Variants in PPP1R21 observed in about 807,000 individuals in gnomAD.
The protein encoded by PPP1R21 is protein phosphatase 1 regulatory subunit 21.
Under a neutral mutation model 112.8 loss-of-function variants are expected in PPP1R21, and 85 were observed. The ratio of observed to expected loss-of-function variants is 0.75; its 90% CI spans 0.63 to 0.90. The LOEUF (loss-of-function observed/expected upper bound fraction) is 0.90, where lower values mean the gene tolerates loss of function less well. PPP1R21 is among the 40% of genes least tolerant of loss of function. PPP1R21 has a pLI of 0.00. For missense variants in PPP1R21, 1,199 were observed against 901.5 expected, an observed-to-expected ratio of 1.33 and a Z score of -4.23; for synonymous variants, 381 against 322.3, an observed-to-expected ratio of 1.18 and a Z score of -1.95.
chr2:48,493,715 G>T (rs1282196060), intron 15 of PPP1R21, among the ~76,000 whole-genome samples: 9 of 151,994 alleles, frequency 5.9e-5, no homozygotes, highest in African/African-American at 1.9e-4. Context: ...GGTTGTCCTT[G>T]TACCGTTTAT....
chr2:48,495,225 A>G (rs1451743349), intron 15 of PPP1R21, among the ~76,000 whole-genome samples: 1 of 151,502 alleles, frequency 6.6e-6, no homozygotes, highest in Non-Finnish European at 1.5e-5. Flanking sequence ...TCTTTTTGAG[A>G]CGGAGTCTCG....
intron 2 of PPP1R21, among the ~76,000 whole-genome samples, 172 bp downstream of exon 2, chr2:48,451,248 C>T (rs1418262693): frequency 6.6e-6 from 1 of 152,136 alleles, no homozygotes; most frequent in African/African-American, 2.4e-5. Flanking sequence ...TAGGTAAGAA[C>T]ATGAGGTACT....
chr2:48,442,459 A>T (rs1031547666), intron 1 of PPP1R21, among the ~76,000 whole-genome samples: 20 of 152,214 alleles, frequency 1.3e-4, no homozygotes, highest in Middle Eastern at 6.3e-3. Context: ...AGCCTCCCAA[A>T]GTAATAAAAA....
chr2:48,495,823 C>A, intron 16 of PPP1R21, 52 bp downstream of exon 16: 3 of 1,056,206 alleles, frequency 2.8e-6, no homozygotes, highest in South Asian at 1.3e-5. Context: ...AATGTTAAAT[C>A]CCCCATAGAA....
At chr2:48,489,727 T>A (rs1572877998) in intron 14 of PPP1R21, among the ~76,000 whole-genome samples, 1 of 151,898 alleles carries the variant, frequency 6.6e-6, no homozygotes, top group Non-Finnish European at 1.5e-5. Flanking sequence ...CTGGCCAACA[T>A]GTTGAAACCC....
chr2:48,489,691 C>G (rs544755633), intron 14 of PPP1R21, among the ~76,000 whole-genome samples: 28 of 151,932 alleles, frequency 1.8e-4, no homozygotes, highest in South Asian at 4.2e-4. Context: ...CGGTAGCTCA[C>G]CTGAGGTCAC....
intron 2 of PPP1R21, among the ~76,000 whole-genome samples, chr2:48,451,392 G>C (rs1274641356): frequency 6.6e-6 from 1 of 152,204 alleles, no homozygotes; most frequent in Non-Finnish European, 1.5e-5. Context: ...TGTCATCACA[G>C]ACAGCTTTCT....
chr2:48,497,920 G>A (rs1669924892), intron 16 of PPP1R21, among the ~76,000 whole-genome samples: 1 of 151,588 alleles, frequency 6.6e-6, no homozygotes, highest in Admixed American at 6.6e-5. Flanking sequence ...TAAAGTGCTG[G>A]GATTACAGTC....
At chr2:48,491,495 A>G (rs541437820) in intron 15 of PPP1R21, among the ~76,000 whole-genome samples, 3 of 152,254 alleles carry the variant, frequency 2.0e-5, no homozygotes, top group Admixed American at 2.0e-4. Flanking sequence ...AAAAAAAAGA[A>G]ATATGTGTAT....
At chr2:48,485,307 TA>T (rs200855085) in intron 13 of PPP1R21, among the ~76,000 whole-genome samples, 34,587 of 146,718 alleles carry the variant, frequency 0.24, 4,407 homozygotes, top group East Asian at 0.45. Flanking sequence ...AAATAAAATG[TA>T]AAAAAAAAAA....
intron 12 of PPP1R21, among the ~76,000 whole-genome samples, chr2:48,478,545 C>T (rs1022896631): frequency 1.3e-5 from 2 of 152,140 alleles, no homozygotes; most frequent in African/African-American, 2.4e-5. Context: ...TGATTGATTG[C>T]TCTCATTTTC....
chr2:48,507,749 C>CTTTTTTTTTTTTTTTTTTTTTTT lies in PPP1R21; in HGVS notation c.2085+376_2085+398dup, dbSNP rs34546075. On this transcript the variant is annotated intron_variant, in intron 19 of 21. Transcript: ENST00000294952. ...AAGACTGATTTGAGTGAGGCTCTGCCTTTTTTTTTTTTTTTTTTTTTTTTT... is the reference window on the plus strand; with the variant it reads ...AAGACTGATTTGAGTGAGGCTCTGCCTTTTTTTTTTTTTTTTTTTTTTTTTTTTTTTTTTTTTTTTTTTTTTTT... Among the ~76,000 whole-genome samples the CTTTTTTTTTTTTTTTTTTTTTTT allele has an allele frequency of 9.4e-5, 4 of 42,392 alleles. 1 individual carries two copies. The highest frequency in any genetic ancestry group is 3.1e-4 in the African/African-American group (3 of 9,802). 27.8% of individuals were successfully genotyped at this position (42,392 alleles called of 152,430 possible).
chr2:48,486,440 A>C (rs1245655074), intron 13 of PPP1R21, among the ~76,000 whole-genome samples, 191 bp from the exon 14 acceptor site: 1 of 152,186 alleles, frequency 6.6e-6, no homozygotes, highest in Non-Finnish European at 1.5e-5. Context: ...AGAGATCCTT[A>C]CTTCTCTCTG....
At chr2:48,464,832 T>C (rs761717278) in intron 7 of PPP1R21, 105 bp from the exon 8 acceptor site, 71 of 735,868 alleles carry the variant, frequency 9.6e-5, no homozygotes, top group Non-Finnish European at 1.4e-4. Context: ...TTTAAATTCT[T>C]ATGTAAAGTT....
chr2:48,479,368 C>T (rs887912247), intron 12 of PPP1R21: 44 of 413,376 alleles, frequency 1.1e-4, no homozygotes, highest in Non-Finnish European at 1.7e-4. Flanking sequence ...ATACCGTAGC[C>T]TCTCACTGTT....
chr2:48,446,842 C>T (rs1667269203), intron 1 of PPP1R21, among the ~76,000 whole-genome samples: 1 of 152,144 alleles, frequency 6.6e-6, no homozygotes, highest in African/African-American at 2.4e-5. Context: ...CGTCCGTCTC[C>T]TGGGTTCAAG....
Position 48,460,156 on chromosome 2 carries a change from A to G in PPP1R21, c.599+3A>G. The G allele has an allele frequency of 3.1e-6, 5 of 1,614,132 alleles. No individual in the cohort carries two copies. Among genetic ancestry groups the G allele is most frequent in the Non-Finnish European group, 2.5e-6 (3 of 1,179,964 alleles). On this transcript the variant is annotated splice_donor_region_variant and intron_variant, in intron 6 of 21. Transcript: ENST00000294952. ...TGTCGACTTCGAACGGAAGAATGGT[A>G]TGTGGAAACTTGAATTCCAAGAGGG...
At chr2:48,462,499 A>T (rs375298025) in intron 7 of PPP1R21, among the ~76,000 whole-genome samples, 1 of 152,190 alleles carries the variant, frequency 6.6e-6, no homozygotes, top group Admixed American at 6.6e-5. Flanking sequence ...ATATGTGAGC[A>T]GGTTTTATTG....
Position 48,511,281 on chromosome 2 carries a change from A to C in PPP1R21, c.2185-59A>C, listed in dbSNP as rs145859828. ...ACATTTTTCTTTTGTGAATTAAAAA[A>C]GCTTCAGAGTGGTACGACTCGTGGG... is the stretch of plus-strand genomic sequence containing the variant. On this transcript the variant is annotated intron_variant, in intron 20 of 21. Coordinates refer to ENST00000294952, the MANE Select transcript of PPP1R21 (RefSeq NM_001135629.3). The C allele has an allele frequency of 1.6e-5, 24 of 1,512,958 alleles. No homozygotes were observed. The African/African-American group carries it at 3.2e-4, about 20-fold the overall frequency. 93.7% of individuals were successfully genotyped at this position (1,512,958 alleles called of 1,614,324 possible).
Sources: allele counts gnomAD v4.1 joint callset (sites outside exome capture counted in the v4.1 genomes callset), GRCh38; gene constraint gnomAD v4.1.1; transcripts MANE v1.5; gene names NCBI Gene and HGNC (gene_info 2026-07-23, HGNC 2026-07-21).